NPAS3: variants seen among roughly 807,000 people sequenced by gnomAD.
The protein encoded by NPAS3 is neuronal PAS domain-containing protein 3.
In NPAS3, 14 loss-of-function variants were observed where a neutral mutation model predicts 73.1. That is an observed-to-expected ratio of 0.19 (90% CI 0.13 to 0.30). NPAS3 has a LOEUF of 0.30. Among genes scored for constraint, NPAS3 ranks in the 10% least tolerant of loss-of-function variants. The pLI, the probability that NPAS3 is intolerant of heterozygous loss-of-function variation, is 1.00. For missense variants in NPAS3, 1,096 were observed against 1,250.0 expected (o/e 0.88, Z 1.86); for synonymous variants, 620 against 541.5 (o/e 1.14, Z -2.01).
chr14:32,980,787 T>A (rs1029206578), intron 1 of NPAS3, among the ~76,000 whole-genome samples: 5 of 152,154 alleles, frequency 3.3e-5, no homozygotes, highest in Non-Finnish European at 7.3e-5. Context: ...TTGGTTTCTA[T>A]AACTGCCATG....
intron 3 of NPAS3, among the ~76,000 whole-genome samples, chr14:33,362,752 T>A (rs2045662916): frequency 6.6e-6 from 1 of 152,030 alleles, no homozygotes; most frequent in South Asian, 2.1e-4. Context: ...AAGACTACAT[T>A]TGCCCGTGAT....
intron 2 of NPAS3, among the ~76,000 whole-genome samples, chr14:33,095,540 GT>G (rs1566555994): frequency 2.0e-5 from 3 of 151,952 alleles, no homozygotes; most frequent in South Asian, 2.1e-4. Flanking sequence ...GTACTTCATG[GT>G]ATTCTTGGTG....
At chr14:33,222,521 T>C (rs568070810) in intron 3 of NPAS3, among the ~76,000 whole-genome samples, 3 of 152,310 alleles carry the variant, frequency 2.0e-5, no homozygotes, top group African/African-American at 7.2e-5. Context: ...CCCAGAGCAT[T>C]AGTAATTTCT....
chr14:33,002,702 T>C (rs1385716358), intron 1 of NPAS3, among the ~76,000 whole-genome samples: 3 of 152,162 alleles, frequency 2.0e-5, no homozygotes, highest in African/African-American at 7.2e-5. Flanking sequence ...TTCTGATAAA[T>C]GTAGTATTGA....
chr14:32,977,335 T>C (rs2037721749), intron 1 of NPAS3, among the ~76,000 whole-genome samples: 2 of 89,346 alleles, frequency 2.2e-5, no homozygotes, highest in South Asian at 7.5e-4. Flanking sequence ...ATTACCTTTC[T>C]ACGAGTTTTG....
intron 3 of NPAS3, among the ~76,000 whole-genome samples, chr14:33,331,625 C>T (rs10140880): frequency 0.25 from 37,961 of 151,012 alleles, 5,199 homozygotes; most frequent in Middle Eastern, 0.31. Context: ...CTCTTTAATT[C>T]GCTGCTTCAG....
At position 33,384,007 on chromosome 14, in the gene NPAS3, A is replaced by T. The variant is rs116439818; in HGVS notation, c.468+16739A>T. Among the ~76,000 whole-genome samples, 351 of 152,294 alleles carry T rather than the reference A, an allele frequency of 2.3e-3. 1 individual carries two copies. The highest frequency in any genetic ancestry group is 8.3e-3 in the African/African-American group (344 of 41,566). On this transcript the variant is annotated intron_variant, in intron 4 of 11. Transcript: ENST00000356141. ...AATAAAAAACTTTGAAATCCGCATG[A>T]TATTCCTGAAGGAGTACATGGCTGT...
chr14:33,678,310 C>CCACTGAT lies in NPAS3; in HGVS notation c.733+1927_733+1933dup, dbSNP rs749800082. Among the ~76,000 whole-genome samples, 37 of 152,232 alleles carry CCACTGAT rather than the reference C, an allele frequency of 2.4e-4. 1 individual carries two copies. The South Asian group carries it at 7.7e-3, about 32-fold the overall frequency. On this transcript the variant is annotated intron_variant, in intron 6 of 11. Transcript: ENST00000356141. ...CCCAAATCTGCTTCGCTGCAACTTC[C>CCACTGAT]CACTGATCCAAGGTCTGCCCTCTGG...
Position 33,766,837 on chromosome 14 carries a change from C to T in NPAS3, c.853-7500C>T, listed in dbSNP as rs143673000. On this transcript the variant is annotated intron_variant, in intron 7 of 11. Transcript: ENST00000356141. Reference sequence around the variant, plus strand: ...GAGGAGGTCTGCATTGTCACCCCCTCCCTGGATCTCACTTCCACCTTGTGA... The same window carrying T: ...GAGGAGGTCTGCATTGTCACCCCCTTCCTGGATCTCACTTCCACCTTGTGA... Among the ~76,000 whole-genome samples, 589 of 152,296 alleles carry T rather than the reference C, an allele frequency of 3.9e-3. 8 individuals are homozygous for T. Among genetic ancestry groups the T allele is most frequent in the African/African-American group, 0.013 (557 of 41,564 alleles).
intron 4 of NPAS3, among the ~76,000 whole-genome samples, chr14:33,545,285 T>C (rs2054788552): frequency 6.6e-6 from 1 of 152,152 alleles, no homozygotes; most frequent in Admixed American, 6.5e-5. Context: ...CTTCCAAGTG[T>C]ATTTTTCTCC....
chr14:33,393,710 C>T (rs954750683), intron 4 of NPAS3, among the ~76,000 whole-genome samples: 6 of 152,086 alleles, frequency 3.9e-5, no homozygotes, highest in South Asian at 4.1e-4. Flanking sequence ...AGGGACCCCG[C>T]GGCTGTTGGC....
chr14:32,980,648 A>G (rs2037858810), intron 1 of NPAS3, among the ~76,000 whole-genome samples: 1 of 152,210 alleles, frequency 6.6e-6, no homozygotes. Flanking sequence ...AATAAAATTC[A>G]TGGAGTAGCA....
At chr14:32,964,697 G>A (rs2748836) in intron 1 of NPAS3, among the ~76,000 whole-genome samples, 46,239 of 151,994 alleles carry the variant, frequency 0.3, 7,628 homozygotes, top group African/African-American at 0.41. Context: ...GTTTGAGGCC[G>A]GGTGCAGTGT....
chr14:33,224,787 T>C (rs1223456361), intron 3 of NPAS3, among the ~76,000 whole-genome samples: 1 of 152,170 alleles, frequency 6.6e-6, no homozygotes, highest in Non-Finnish European at 1.5e-5. Flanking sequence ...CATTTTATCA[T>C]GTTATGATTC....
intron 3 of NPAS3, among the ~76,000 whole-genome samples, chr14:33,321,742 G>A (rs545463751): frequency 3.4e-4 from 52 of 152,114 alleles, no homozygotes; most frequent in African/African-American, 1.3e-3. Context: ...TGCTCAATAT[G>A]TAAGTCTCTA....
chr14:33,602,230 TG>T (rs1202452733), intron 5 of NPAS3, among the ~76,000 whole-genome samples: 1 of 152,094 alleles, frequency 6.6e-6, no homozygotes, highest in Non-Finnish European at 1.5e-5. Context: ...CAGGCAAGGC[TG>T]GGGGAAGAGC....
intron 1 of NPAS3, among the ~76,000 whole-genome samples, chr14:33,046,739 G>T (rs141249272): frequency 6.6e-6 from 1 of 152,168 alleles, no homozygotes. Flanking sequence ...ACTTTGAGAG[G>T]CCGAGGCAGG....
chr14:33,231,023 T>C (rs1261110531), intron 3 of NPAS3, among the ~76,000 whole-genome samples: 2 of 152,230 alleles, frequency 1.3e-5, no homozygotes, highest in Non-Finnish European at 2.9e-5. Context: ...GGTGACCTGC[T>C]AGATCATACT....
chr14:33,602,429 A>G (rs1429260281), intron 5 of NPAS3, among the ~76,000 whole-genome samples: 2 of 152,130 alleles, frequency 1.3e-5, no homozygotes, highest in African/African-American at 4.8e-5. Context: ...GCTTCTGTGC[A>G]CTGCATCTTG....
Sources: gnomAD v4.1 joint callset for allele counts (sites outside exome capture counted in the v4.1 genomes callset) on GRCh38, gnomAD v4.1.1 for gene constraint, MANE v1.5 for transcripts, NCBI Gene and HGNC (gene_info 2026-07-23, HGNC 2026-07-21) for gene names.